The following PAK6 variants were observed in gnomAD, a reference collection of about 807,000 sequenced individuals.
The protein encoded by PAK6 is p21 (RAC1) activated kinase 6, also known as serine/threonine-protein kinase PAK 6.
A neutral mutation model predicts 60.8 loss-of-function variants in PAK6; 33 were observed. The observed-to-expected ratio is 0.54, with a 90% CI of 0.41 to 0.73. The LOEUF is 0.73. PAK6 is among the 30% of genes least tolerant of loss of function. The pLI is 0.00. For synonymous variants in PAK6, 404 were observed against 378.5 expected (o/e 1.07, Z -0.78); for missense variants, 845 against 904.1 (o/e 0.93, Z 0.84).
chr15:40,255,278 G>A (rs1348446883), intron 3 of PAK6, among the ~76,000 whole-genome samples: 1 of 152,222 alleles, frequency 6.6e-6, no homozygotes, highest in Non-Finnish European at 1.5e-5. Context: ...CTTTTAAACA[G>A]CAGCCCATTA....
chr15:40,252,571 G>A (rs759897213), intron 2 of PAK6: 2 of 1,359,428 alleles, frequency 1.5e-6, no homozygotes, highest in South Asian at 2.3e-5. Context: ...GGTGAAGCCG[G>A]CGCTGCACCA....
intron 10 of PAK6, among the ~76,000 whole-genome samples, chr15:40,275,658 G>C (rs1475479839): frequency 6.6e-6 from 1 of 152,082 alleles, no homozygotes; most frequent in East Asian, 1.9e-4. Context: ...CCATTTTACA[G>C]ATGAGAAAAC....
intron 3 of PAK6, among the ~76,000 whole-genome samples, chr15:40,255,411 G>C (rs1002180283): frequency 6.6e-6 from 1 of 152,134 alleles, no homozygotes; most frequent in African/African-American, 2.4e-5. Flanking sequence ...ATCTGTCTGG[G>C]TCCCTCAAGT....
At chr15:40,275,280 G>GTTTTTTTTTGTTTTGTT (rs2039418937) in intron 10 of PAK6, among the ~76,000 whole-genome samples, 4 of 56,486 alleles carry the variant, frequency 7.1e-5, no homozygotes, top group Non-Finnish European at 1.2e-4. Flanking sequence ...GTTGTTGTTG[G>GTTTTTTTTTGTTTTGTT]TTTTTTTTTT....
intron 2 of PAK6, among the ~76,000 whole-genome samples, chr15:40,250,368 C>T (rs1309789914): frequency 1.3e-5 from 2 of 152,216 alleles, no homozygotes; most frequent in African/African-American, 4.8e-5. Context: ...GTGCAGAAAA[C>T]TGGCGTTGTG....
chr15:40,271,878 G>A (rs775655886), intron 5 of PAK6, among the ~76,000 whole-genome samples: 18 of 152,314 alleles, frequency 1.2e-4, no homozygotes, highest in Non-Finnish European at 2.5e-4. Flanking sequence ...TCTGCCTCAC[G>A]GCAGCCTCCC....
At chr15:40,275,737 A>G (rs546157534) in intron 10 of PAK6, among the ~76,000 whole-genome samples, 190 bp from the exon 11 acceptor site, 51 of 152,264 alleles carry the variant, frequency 3.3e-4, no homozygotes, top group African/African-American at 1.2e-3. Context: ...ACTGATGCCA[A>G]TCCTCTGCCC....
chr15:40,273,952 G>T (rs904502664), intron 9 of PAK6, 190 bp from the exon 10 acceptor site: 9 of 703,024 alleles, frequency 1.3e-5, no homozygotes, highest in African/African-American at 5.3e-5. Flanking sequence ...TGACAGCTGT[G>T]TCCCTATAGG....
At chr15:40,262,093 AG>A (rs1779408689) in intron 3 of PAK6, among the ~76,000 whole-genome samples, 1 of 152,190 alleles carries the variant, frequency 6.6e-6, no homozygotes, top group Admixed American at 6.5e-5. Context: ...CTTCAGCTGC[AG>A]TCTGTGTCCC....
intron 9 of PAK6, 122 bp from the exon 10 acceptor site, chr15:40,274,020 G>C: frequency 1.7e-6 from 2 of 1,183,980 alleles, no homozygotes; most frequent in Non-Finnish European, 2.4e-6. Flanking sequence ...GGGGAGGAAG[G>C]AGACAGACCC....
chr15:40,252,716 G>A, intron 2 of PAK6: 5 of 1,304,170 alleles, frequency 3.8e-6, no homozygotes, highest in Non-Finnish European at 5.0e-6. Flanking sequence ...TGCCCCGGAG[G>A]TTCGCGGCGA....
At chr15:40,252,539 C>G in intron 2 of PAK6, 1 of 1,362,440 alleles carries the variant, frequency 7.3e-7, no homozygotes, top group Non-Finnish European at 9.8e-7. Flanking sequence ...GAGGCCACAC[C>G]CTGAAATCAA....
intron 3 of PAK6, chr15:40,259,665 T>G (rs2038931635): frequency 6.6e-6 from 1 of 151,738 alleles, no homozygotes; most frequent in Admixed American, 6.6e-5. Flanking sequence ...TGCACACCTA[T>G]AGTCTCAGCT....
chr15:40,256,404 G>C (rs568427823), intron 3 of PAK6, among the ~76,000 whole-genome samples: 1 of 152,196 alleles, frequency 6.6e-6, no homozygotes, highest in Non-Finnish European at 1.5e-5. Context: ...CCCAAAGGGG[G>C]TTACAAAGAG....
intron 2 of PAK6, chr15:40,252,772 T>G (rs1430285919): frequency 1.5e-6 from 2 of 1,300,976 alleles, no homozygotes. Context: ...TGGGTGCCCA[T>G]GCCCCGAAGT....
intron 3 of PAK6, among the ~76,000 whole-genome samples, chr15:40,253,503 A>G (rs1228443285): frequency 6.6e-6 from 1 of 152,224 alleles, no homozygotes; most frequent in East Asian, 1.9e-4. Context: ...GCCCCACGGT[A>G]GGCTGGTAGA....
intron 2 of PAK6, among the ~76,000 whole-genome samples, chr15:40,243,574 C>A (rs1457781558): frequency 6.6e-6 from 1 of 152,152 alleles, no homozygotes; most frequent in Non-Finnish European, 1.5e-5. Flanking sequence ...GAACAAAGTG[C>A]CAGGAGAGAC....
At chr15:40,252,712 G>A (rs1168622278) in intron 2 of PAK6, 3 of 1,304,040 alleles carry the variant, frequency 2.3e-6, no homozygotes, top group Middle Eastern at 2.2e-4. Context: ...CGGCTGCCCC[G>A]GAGGTTCGCG....
chr15:40,265,762 T>G, intron 4 of PAK6, 80 bp from the exon 5 acceptor site: 1 of 1,327,754 alleles, frequency 7.5e-7, no homozygotes, highest in Non-Finnish European at 1.0e-6. Context: ...CCAGGGACAT[T>G]CTCTGACCCT....
Sources: allele counts gnomAD v4.1 joint callset (sites outside exome capture counted in the v4.1 genomes callset), GRCh38; gene constraint gnomAD v4.1.1; transcripts MANE v1.5; gene names NCBI Gene and HGNC (gene_info 2026-07-23, HGNC 2026-07-21).